Variants in NFATC1 observed in about 807,000 individuals in gnomAD.
NFATC1 encodes nuclear factor of activated T-cells, cytoplasmic 1.
NFATC1 carries 22 observed loss-of-function variants against 76.0 expected under a neutral mutation model. That is an observed-to-expected ratio of 0.29 (90% CI 0.21 to 0.41). NFATC1 has a LOEUF of 0.41. NFATC1 is among the 10% of genes least tolerant of loss of function. The pLI, the probability that NFATC1 is intolerant of heterozygous loss-of-function variation, is 1.00. For synonymous variants in NFATC1, 704 were observed against 613.1 expected, an observed-to-expected ratio of 1.15 and a Z score of -2.19; for missense variants, 1,357 against 1,337.7, an observed-to-expected ratio of 1.01 and a Z score of -0.23.
At chr18:79,512,264 G>A (rs1444339329) in intron 9 of NFATC1, among the ~76,000 whole-genome samples, 3 of 152,166 alleles carry the variant, frequency 2.0e-5, no homozygotes, top group African/African-American at 7.2e-5. Context: ...CTGCGCCACA[G>A]GCACTGCCCT....
At chr18:79,398,471 C>G (rs1249837907) in intron 1 of NFATC1, among the ~76,000 whole-genome samples, 2 of 152,244 alleles carry the variant, frequency 1.3e-5, no homozygotes, top group Non-Finnish European at 2.9e-5. Flanking sequence ...GTCTGTGGAA[C>G]GGGCAGCTTT....
intron 9 of NFATC1, among the ~76,000 whole-genome samples, chr18:79,512,644 G>A (rs558664949): frequency 3.9e-4 from 59 of 152,196 alleles, no homozygotes; most frequent in African/African-American, 1.3e-3. Flanking sequence ...GGTGGGCCCC[G>A]TGTGCCTCCC....
intron 6 of NFATC1, among the ~76,000 whole-genome samples, chr18:79,453,431 G>A (rs1421317377): frequency 6.6e-6 from 1 of 152,248 alleles, no homozygotes; most frequent in Non-Finnish European, 1.5e-5. Flanking sequence ...ACCAGCCTGC[G>A]AGGGCCAGGA....
In NFATC1 at chr18:79,515,152, G is replaced by A. The variant is rs796135148; in HGVS notation, c.2783-12376G>A. Among the ~76,000 whole-genome samples the A allele has an allele frequency of 6.8e-4, 104 of 151,972 alleles. 1 individual carries two copies. The highest frequency in any genetic ancestry group is 2.4e-3 in the African/African-American group (99 of 41,432). ...TGTAGCTCGGGAGTTTGAGACCAGC[G>A]TGGCCAACATGGCGAAACCCCATCT... On this transcript the variant is annotated intron_variant, in intron 9 of 9. Transcript: ENST00000427363.
At chr18:79,435,090 T>C (rs1416820679) in intron 3 of NFATC1, among the ~76,000 whole-genome samples, 2 of 152,204 alleles carry the variant, frequency 1.3e-5, no homozygotes, top group African/African-American at 4.8e-5. Flanking sequence ...AAGCTTGTTA[T>C]TGCTCAGTGG....
chr18:79,444,194 T>G (rs779139252), intron 3 of NFATC1, among the ~76,000 whole-genome samples: 1 of 151,764 alleles, frequency 6.6e-6, no homozygotes, highest in East Asian at 1.9e-4. Flanking sequence ...TCACATGTGG[T>G]GTGTGTGTGT....
At chr18:79,477,883 C>T (rs568112209) in intron 8 of NFATC1, among the ~76,000 whole-genome samples, 17 of 152,168 alleles carry the variant, frequency 1.1e-4, no homozygotes, top group Non-Finnish European at 2.1e-4. Context: ...CCCTGTGGGA[C>T]GGCAGTCCCG....
chr18:79,486,155 G>C, intron 8 of NFATC1, 93 bp from the exon 9 acceptor site: 2 of 1,153,016 alleles, frequency 1.7e-6, no homozygotes, highest in East Asian at 4.7e-5. Flanking sequence ...TCAGGGCCCT[G>C]TTGGTTTTGC....
chr18:79,456,266 G>A lies in NFATC1; in HGVS notation c.1903+4450G>A, dbSNP rs527562439. Among the ~76,000 whole-genome samples, 5 of 152,346 alleles carry A rather than the reference G, an allele frequency of 3.3e-5. No homozygotes were observed. The East Asian group carries it at 5.8e-4, about 18-fold the overall frequency. ...CCGGGACACACACATTCACCGCGGC[G>A]AGTGTGGGGTGCATGTCCCCAGGCA... On this transcript the variant is annotated intron_variant, in intron 6 of 9. Coordinates refer to ENST00000427363, the MANE Select transcript of NFATC1 (RefSeq NM_001278669.2).
chr18:79,482,719 C>T (rs1474654798), intron 8 of NFATC1, among the ~76,000 whole-genome samples: 2 of 130,536 alleles, frequency 1.5e-5, no homozygotes, highest in South Asian at 2.6e-4. Context: ...GGTGTAATTC[C>T]AGCGTGACCT....
intron 9 of NFATC1, among the ~76,000 whole-genome samples, chr18:79,492,625 C>T (rs1238728181): frequency 1.3e-5 from 2 of 151,734 alleles, no homozygotes; most frequent in South Asian, 2.1e-4. Flanking sequence ...AGGAGAATGG[C>T]GTGAACCTGG....
chr18:79,519,698 G>T (rs1318768842), intron 9 of NFATC1, among the ~76,000 whole-genome samples: 6 of 152,150 alleles, frequency 3.9e-5, no homozygotes, highest in Admixed American at 6.5e-5. Context: ...CCATGTTTTA[G>T]GAATTGCTTT....
chr18:79,440,378 A>C (rs1442299504), intron 3 of NFATC1, among the ~76,000 whole-genome samples: 1 of 152,228 alleles, frequency 6.6e-6, no homozygotes, highest in Non-Finnish European at 1.5e-5. Flanking sequence ...CATTTGGTGC[A>C]GGTGGGACAG....
At chr18:79,475,384 G>T (rs145987361) in intron 8 of NFATC1, among the ~76,000 whole-genome samples, 1 of 150,028 alleles carries the variant, frequency 6.7e-6, no homozygotes, top group East Asian at 2.0e-4. Flanking sequence ...TCGACGTTGC[G>T]AGGGAAGCGT....
intron 9 of NFATC1, among the ~76,000 whole-genome samples, chr18:79,513,658 G>T (rs838055): frequency 2.0e-5 from 3 of 152,068 alleles, no homozygotes; most frequent in Non-Finnish European, 2.9e-5. Context: ...GCATGGGGGC[G>T]GTTTCCCTTG....
At chr18:79,473,650 CGCGCTCACTGTCG>C in intron 8 of NFATC1, among the ~76,000 whole-genome samples, 1 of 142,916 alleles carries the variant, frequency 7.0e-6, no homozygotes, top group East Asian at 2.2e-4. Context: ...AGCGTGTTCT[CGCGCTCACTGTCG>C]ACGTTGTAAA....
intron 7 of NFATC1, among the ~76,000 whole-genome samples, chr18:79,461,992 C>T (rs949141316): frequency 1.3e-5 from 2 of 152,228 alleles, no homozygotes; most frequent in Non-Finnish European, 2.9e-5. Flanking sequence ...TCGTGGCAGA[C>T]GCGTGGCTGG....
chr18:79,414,690 G>A (rs2085817114), intron 2 of NFATC1, among the ~76,000 whole-genome samples: 1 of 152,146 alleles, frequency 6.6e-6, no homozygotes, highest in Non-Finnish European at 1.5e-5. Context: ...AGGAATCACA[G>A]GCCACCTGCT....
rs1318189002 is a variant in NFATC1 at position 79,486,650 on chromosome 18, G to A, written c.2495G>A (p.Ser832Asn). 6.2e-7 allele frequency: 1 copy of A among 1,603,594 alleles called. No individual in the cohort carries two copies. The highest frequency in any genetic ancestry group is 1.1e-5 in the South Asian group (1 of 90,714). ...LPQQVSAPPS[S>N]SCPPGLEHSL... ...CAGCAGGTGAGTGCGCCTCCAAGCA[G>A]TAGCTGCCCCCCTGGTCTCGAACAC... is the stretch of plus-strand genomic sequence containing the variant. Residue 832 changes from serine (S) to asparagine (N), a missense_variant, in exon 9 of 10, where the codon AGT becomes AAT. This residue lies in a region of NFATC1 where 424 missense variants were observed against 395.4 expected (regional missense o/e 1.07). Transcript: ENST00000427363.
Sources: allele counts gnomAD v4.1 joint callset (sites outside exome capture counted in the v4.1 genomes callset), GRCh38; gene constraint gnomAD v4.1.1; regional missense constraint gnomAD v4.1.1; transcripts MANE v1.5; gene names NCBI Gene and HGNC (gene_info 2026-07-23, HGNC 2026-07-21).